The following CDC42BPA variants were observed in gnomAD, a reference collection of about 807,000 sequenced individuals.
CDC42BPA encodes the protein serine/threonine-protein kinase MRCK alpha.
Under a neutral mutation model 223.5 loss-of-function variants are expected in CDC42BPA, and 80 were observed. The observed-to-expected ratio is 0.36, with a 90% CI of 0.30 to 0.43. The LOEUF (loss-of-function observed/expected upper bound fraction) is 0.43. Ranked by LOEUF, CDC42BPA falls within the 20% of genes least tolerant of loss-of-function variation. CDC42BPA has a pLI of 1.00. For missense variants in CDC42BPA, 1,743 were observed against 2,099.9 expected (o/e 0.83, Z 3.32); for synonymous variants, 694 against 718.6 (o/e 0.97, Z 0.55).
chr1:227,036,521 C>CG (rs1353538756), intron 24 of CDC42BPA, among the ~76,000 whole-genome samples: 1 of 150,720 alleles, frequency 6.6e-6, no homozygotes, highest in Admixed American at 6.6e-5. Context: ...CTCCGCCCCC[C>CG]GGGGTTCACG....
At chr1:227,275,353 AAACAATAATGCTAAAAATT>A (rs1447465708) in intron 1 of CDC42BPA, among the ~76,000 whole-genome samples, 21 of 152,050 alleles carry the variant, frequency 1.4e-4, no homozygotes, top group Admixed American at 5.2e-4. Context: ...TTACATTAGA[AAACAATAATGCTAAAAATT>A]AACAAGCTAA....
chr1:227,256,948 G>GACACAC (rs55961981), intron 1 of CDC42BPA, among the ~76,000 whole-genome samples: 3,515 of 141,044 alleles, frequency 0.025, 102 homozygotes, highest in Admixed American at 0.065. Flanking sequence ...TATATATACA[G>GACACAC]ACACACACAC....
intron 7 of CDC42BPA, among the ~76,000 whole-genome samples, chr1:227,146,501 G>C (rs1660731678): frequency 6.6e-6 from 1 of 151,966 alleles, no homozygotes; most frequent in South Asian, 2.1e-4. Flanking sequence ...AATCATAATT[G>C]CTTCACTAGA....
intron 1 of CDC42BPA, among the ~76,000 whole-genome samples, chr1:227,304,420 A>G (rs1469103884): frequency 6.6e-6 from 1 of 152,048 alleles, no homozygotes; most frequent in Non-Finnish European, 1.5e-5. Flanking sequence ...AAAAAACAAA[A>G]AAAGAAAAAC....
At chr1:227,302,499 T>C (rs545922314) in intron 1 of CDC42BPA, among the ~76,000 whole-genome samples, 1 of 152,324 alleles carries the variant, frequency 6.6e-6, no homozygotes, top group South Asian at 2.1e-4. Context: ...TTTCTGATTC[T>C]TATCCTTTGT....
intron 11 of CDC42BPA, among the ~76,000 whole-genome samples, chr1:227,125,871 A>G (rs1315163315): frequency 6.6e-6 from 1 of 152,128 alleles, no homozygotes; most frequent in Non-Finnish European, 1.5e-5. Context: ...TTTACAGCAT[A>G]TTTAATTTTA....
chr1:227,128,405 A>C (rs546058699), intron 11 of CDC42BPA, among the ~76,000 whole-genome samples: 1 of 152,254 alleles, frequency 6.6e-6, no homozygotes, highest in East Asian at 1.9e-4. Flanking sequence ...TAAAGCACTT[A>C]TTACCTTCCA....
At chr1:227,180,554 T>C (rs1667762901) in intron 5 of CDC42BPA, 1 of 152,122 alleles carries the variant, frequency 6.6e-6, no homozygotes, top group Admixed American at 6.5e-5. Flanking sequence ...GGTGATATTG[T>C]AGGAAACTAT....
chr1:227,180,319 C>A (rs1290504728), intron 5 of CDC42BPA: 1 of 150,284 alleles, frequency 6.7e-6, no homozygotes, highest in Non-Finnish European at 1.5e-5. Context: ...AAGAACTTTT[C>A]AAAAAAAAAT....
chr1:227,259,581 G>A (rs74599093), intron 1 of CDC42BPA, among the ~76,000 whole-genome samples: 8,274 of 150,688 alleles, frequency 0.055, 354 homozygotes, highest in Non-Finnish European at 0.073. Flanking sequence ...AACTAGACAC[G>A]GTTAGCTTCC....
chr1:227,272,117 T>C (rs1177797605), intron 1 of CDC42BPA, among the ~76,000 whole-genome samples: 3 of 152,128 alleles, frequency 2.0e-5, no homozygotes, highest in Non-Finnish European at 1.5e-5. Context: ...AAATTAGATT[T>C]TGGAAAAAGA....
rs547106554 is a variant in CDC42BPA, at chr1:227,011,179, C to T, written c.4857+4901G>A. ...TAGTATCTGATATCAGAGCTGAATC[C>T]TTAATGAAATACTTTTAGGTCTTAG... On this transcript the variant is annotated intron_variant, in intron 34 of 36. Coordinates refer to ENST00000366766, the MANE Select transcript of CDC42BPA (RefSeq NM_001394014.1). The T allele has an allele frequency of 1.4e-5, 5 of 349,008 alleles. No homozygotes were observed. The East Asian group carries it at 6.8e-4, about 48-fold the overall frequency. The allele number at this position is 349,008 out of a possible 1,614,324, so 21.6% of individuals were successfully genotyped here.
At chr1:227,253,069 G>A (rs1682304397) in intron 2 of CDC42BPA, among the ~76,000 whole-genome samples, 2 of 152,142 alleles carry the variant, frequency 1.3e-5, no homozygotes, top group Non-Finnish European at 2.9e-5. Context: ...TAAATAAATG[G>A]AAGAATATAC....
chr1:227,175,184 T>C (rs1666745438), intron 5 of CDC42BPA, among the ~76,000 whole-genome samples: 1 of 152,174 alleles, frequency 6.6e-6, no homozygotes, highest in African/African-American at 2.4e-5. Flanking sequence ...TATAACCCCT[T>C]TTGGAACTTA....
chr1:227,038,611 C>T (rs977492028), intron 24 of CDC42BPA, among the ~76,000 whole-genome samples: 4 of 152,154 alleles, frequency 2.6e-5, no homozygotes, highest in African/African-American at 9.7e-5. Flanking sequence ...CAATTCTGAC[C>T]AAAAATGAAT....
At chr1:227,126,214 A>C (rs942743316) in intron 11 of CDC42BPA, among the ~76,000 whole-genome samples, 1 of 152,052 alleles carries the variant, frequency 6.6e-6, no homozygotes, top group African/African-American at 2.4e-5. Context: ...GTCTGCCTGC[A>C]CTCCCTGACC....
At position 227,023,125 on chromosome 1, in the gene CDC42BPA, A is replaced by G. The variant is rs1667686392; in HGVS notation, c.4615+138T>C. 7 of 522,442 alleles carry G rather than the reference A, an allele frequency of 1.3e-5. No individual in the cohort carries two copies. In the East Asian group the frequency reaches 2.4e-4, roughly 18 times the overall value. 32.4% of individuals were successfully genotyped at this position (522,442 alleles called of 1,614,324 possible). A position where few individuals can be genotyped will look rare whatever the true frequency, so the allele number is the denominator to read the frequency against. ...ATATATTAAGAATGTGATAGTGGCC[A>G]ACATCATAGACTTGGAGTAAGATAC... On this transcript the variant is annotated intron_variant, in intron 32 of 36. Transcript: ENST00000366766.
rs1674479144 is a variant in CDC42BPA at position 227,214,442 on chromosome 1, T to C, written c.271-1223A>G. 2.0e-5 allele frequency among the ~76,000 whole-genome samples: 3 copies of C among 152,280 alleles called. No individual in the cohort carries two copies. In the South Asian group the frequency reaches 6.2e-4, roughly 32 times the overall value. The stretch of plus-strand genomic sequence containing the variant: ...AGTATCTCAATTTCAAACAATTAAA[T>C]TGTTCTCCCAATGGGCTCATAAAGA... On this transcript the variant is annotated intron_variant, in intron 2 of 36. Transcript: ENST00000366766.
intron 16 of CDC42BPA, among the ~76,000 whole-genome samples, chr1:227,088,165 G>GA: frequency 6.6e-6 from 1 of 152,216 alleles, no homozygotes; most frequent in Admixed American, 6.5e-5. Context: ...TTGTGATTGG[G>GA]AAAGTAGTTT....
Sources: gnomAD v4.1 joint callset for allele counts (sites outside exome capture counted in the v4.1 genomes callset) on GRCh38, gnomAD v4.1.1 for gene constraint, MANE v1.5 for transcripts, NCBI Gene and HGNC (gene_info 2026-07-23, HGNC 2026-07-21) for gene names.